Variants in KIAA2012 observed in about 807,000 individuals in gnomAD.
KIAA2012 encodes the protein KIAA2012, also known as uncharacterized protein KIAA2012.
KIAA2012 carries 125 observed loss-of-function variants against 150.6 expected under a neutral mutation model. That is an observed-to-expected ratio of 0.83 (90% CI 0.72 to 0.96). The LOEUF (loss-of-function observed/expected upper bound fraction) is 0.96, where lower values mean the gene tolerates loss of function less well. KIAA2012 is among the 40% of genes least tolerant of loss of function. The pLI is 0.00. For missense variants in KIAA2012, 1,219 were observed against 1,354.9 expected, an observed-to-expected ratio of 0.90 and a Z score of 1.57; for synonymous variants, 462 against 504.7, an observed-to-expected ratio of 0.92 and a Z score of 1.13.
chr2:202,113,487 T>TC (rs1690436849), intron 11 of KIAA2012, 41 bp downstream of exon 11: 1 of 1,399,364 alleles, frequency 7.1e-7, no homozygotes, highest in African/African-American at 1.5e-5. Flanking sequence ...TTTTTTTTTT[T>TC]CAAAGGGGAA....
intron 19 of KIAA2012, 134 bp downstream of exon 19, chr2:202,190,627 A>G: frequency 1.4e-6 from 1 of 697,832 alleles, no homozygotes; most frequent in Non-Finnish European, 2.4e-6. Flanking sequence ...TTATTGTTCT[A>G]CTTTGGTATC....
intron 12 of KIAA2012, among the ~76,000 whole-genome samples, chr2:202,133,130 A>ATATATATATTTTTTTTTTTTT (rs1279080237): frequency 7.4e-5 from 5 of 67,764 alleles, no homozygotes; most frequent in East Asian, 2.8e-4. Flanking sequence ...ATATATATAT[A>ATATATATATTTTTTTTTTTTT]TTTTTTTTTT....
intron 18 of KIAA2012, 84 bp from the exon 19 acceptor site, chr2:202,190,087 CAAA>C: frequency 1.1e-6 from 1 of 897,976 alleles, no homozygotes; most frequent in Non-Finnish European, 1.5e-6. Context: ...GACCCTGTCT[CAAA>C]AAAAAAAAGT....
chr2:202,171,933 G>A (rs945151438), intron 15 of KIAA2012, among the ~76,000 whole-genome samples: 2 of 134,282 alleles, frequency 1.5e-5, no homozygotes, highest in Non-Finnish European at 3.0e-5. Context: ...TGCAACCTCC[G>A]CCTCCCAGGT....
chr2:202,124,402 C>CA (rs1356767577), intron 11 of KIAA2012, among the ~76,000 whole-genome samples: 1 of 152,148 alleles, frequency 6.6e-6, no homozygotes, highest in East Asian at 1.9e-4. Flanking sequence ...AAAAATTCAT[C>CA]AGGGGCTGTG....
At chr2:202,179,347 A>G in intron 15 of KIAA2012, 1 of 998,360 alleles carries the variant, frequency 1.0e-6, no homozygotes, top group Non-Finnish European at 1.6e-6. Context: ...CGTCTGATAA[A>G]CTTGTCCGGA....
chr2:202,189,691 C>T (rs1692292408), intron 18 of KIAA2012, among the ~76,000 whole-genome samples: 1 of 152,140 alleles, frequency 6.6e-6, no homozygotes. Context: ...CTTCCCAAAA[C>T]ACTTGGGGTG....
At chr2:202,110,710 C>T (rs1245193108) in intron 10 of KIAA2012, among the ~76,000 whole-genome samples, 1 of 152,172 alleles carries the variant, frequency 6.6e-6, no homozygotes. Flanking sequence ...ACAGATTTCA[C>T]ATCTTTCATT....
chr2:202,096,209 C>A (rs1689880542), intron 4 of KIAA2012, among the ~76,000 whole-genome samples: 1 of 152,166 alleles, frequency 6.6e-6, no homozygotes, highest in South Asian at 2.1e-4. Flanking sequence ...TCTGGTTTGA[C>A]CCCAAGGAAT....
chr2:202,099,013 G>A (rs967045810), intron 5 of KIAA2012, among the ~76,000 whole-genome samples: 6 of 151,880 alleles, frequency 4.0e-5, no homozygotes, highest in African/African-American at 1.5e-4. Context: ...GGAGGGACAC[G>A]ATCTTGCTCT....
intron 5 of KIAA2012, among the ~76,000 whole-genome samples, chr2:202,098,581 T>C (rs1689955447): frequency 1.3e-5 from 2 of 152,144 alleles, no homozygotes; most frequent in South Asian, 4.1e-4. Context: ...TTAATCTTGT[T>C]TGAAAAATAG....
At chr2:202,109,855 A>G (rs759146140) in intron 10 of KIAA2012, 66 bp downstream of exon 10, 85 of 1,379,616 alleles carry the variant, frequency 6.2e-5, no homozygotes, top group Admixed American at 2.5e-4. Flanking sequence ...CCAGGGCCGC[A>G]TGGCTGCTAT....
chr2:202,103,051 A>C lies in KIAA2012; in HGVS notation c.1261A>C (p.Ile421Leu). ...KANEPPTELF[I>L]LPVEIHYHTK... The stretch of plus-strand genomic sequence containing the variant: ...CAATGAGCCCCCAACAGAGCTCTTC[A>C]TCTTACCGGTGGAGATTCATTACCA... Residue 421 changes from isoleucine (I) to leucine (L), a missense_variant, in exon 8 of 24, where the codon ATC becomes CTC. Coordinates refer to ENST00000498697, the MANE Select transcript of KIAA2012 (RefSeq NM_001277372.4). 6.4e-7 allele frequency: 1 copy of C among 1,550,596 alleles called. No individual in the cohort carries two copies. Among genetic ancestry groups the C allele is most frequent in the Non-Finnish European group, 8.7e-7 (1 of 1,146,984 alleles).
intron 10 of KIAA2012, among the ~76,000 whole-genome samples, chr2:202,112,695 G>A (rs1690402218): frequency 6.6e-6 from 1 of 152,212 alleles, no homozygotes; most frequent in Non-Finnish European, 1.5e-5. Context: ...TGCTTGGCAT[G>A]GGGGAAACCC....
intron 11 of KIAA2012, among the ~76,000 whole-genome samples, chr2:202,120,596 A>G (rs1046501946): frequency 1.3e-5 from 2 of 152,006 alleles, no homozygotes; most frequent in Non-Finnish European, 2.9e-5. Context: ...TTCCCTCTCT[A>G]CTGTGATGCT....
intron 2 of KIAA2012, among the ~76,000 whole-genome samples, chr2:202,079,002 C>G (rs1398301437): frequency 1.3e-5 from 2 of 152,118 alleles, no homozygotes; most frequent in Non-Finnish European, 2.9e-5. Context: ...TCGAGACCAG[C>G]CTGGCTAACA....
rs988645297 is a variant in KIAA2012, at chr2:202,090,904, C to T, written c.504C>T (p.Asp168=). ...GCCTCCTGCGGACTTGGCCCCCAGA[C>T]GCCATGTATAGGCTCTGGTGCGCAG... ...LRGLLRTWPP[D]AMYRLWCAGY... The change falls in exon 3 of 24, where the codon GAC becomes GAT. Residue 168 remains aspartate (D), a synonymous_variant. Coordinates refer to ENST00000498697, the MANE Select transcript of KIAA2012 (RefSeq NM_001277372.4). The T allele has an allele frequency of 2.8e-5, 43 of 1,550,142 alleles. No individual in the cohort carries two copies. Among genetic ancestry groups the T allele is most frequent in the East Asian group, 1.2e-4 (5 of 40,932 alleles).
At chr2:202,098,835 C>T (rs934924429) in intron 5 of KIAA2012, among the ~76,000 whole-genome samples, 14 of 151,718 alleles carry the variant, frequency 9.2e-5, no homozygotes, top group African/African-American at 2.4e-4. Flanking sequence ...CGCGCGCGCG[C>T]GCAGGATAAC....
chr2:202,172,100 G>A (rs1004737028), intron 15 of KIAA2012, among the ~76,000 whole-genome samples: 8 of 152,358 alleles, frequency 5.3e-5, no homozygotes, highest in Non-Finnish European at 1.2e-4. Flanking sequence ...TGGGATTACA[G>A]GCGTGAGCCA....
Sources: gnomAD v4.1 joint callset for allele counts (sites outside exome capture counted in the v4.1 genomes callset) on GRCh38, gnomAD v4.1.1 for gene constraint, MANE v1.5 for transcripts, NCBI Gene and HGNC (gene_info 2026-07-23, HGNC 2026-07-21) for gene names.